The following KARS1 variants were observed in gnomAD, a reference collection of about 807,000 sequenced individuals.
KARS1 encodes lysyl-tRNA synthetase 1, also known as lysine--tRNA ligase.
KARS1 carries 50 observed loss-of-function variants against 63.9 expected under a neutral mutation model. The observed-to-expected ratio is 0.78, with a 90% CI of 0.62 to 0.99. The LOEUF (loss-of-function observed/expected upper bound fraction) is 0.99. Ranked by LOEUF, KARS1 falls within the 50% of genes least tolerant of loss-of-function variation. The probability of loss-of-function intolerance (pLI) is 0.00; values close to 1 mark genes in which losing one functional copy is unlikely to be tolerated. For missense variants in KARS1, 816 were observed against 754.5 expected (o/e 1.08, Z -0.95); for synonymous variants, 320 against 264.6 (o/e 1.21, Z -2.03).
At chr16:75,635,629 A>C (rs778236490) in intron 6 of KARS1, 51 bp downstream of exon 6, 71 of 1,605,062 alleles carry the variant, frequency 4.4e-5, no homozygotes, top group South Asian at 2.1e-4. Context: ...GGAGAGGAGG[A>C]GGCAAGCATT....
Position 75,638,406 on chromosome 16 carries a change from C to A in KARS1, c.388+1778G>T, listed in dbSNP as rs369053024. ...CCCGGTCCCCCCGCCCCTTGACAGG[C>A]CCCAGTGTGTGATGTTCCCCTCCCT... is the stretch of plus-strand genomic sequence containing the variant. On this transcript the variant is annotated intron_variant, in intron 3 of 13. Coordinates refer to ENST00000302445, the MANE Select transcript of KARS1 (RefSeq NM_005548.3). Among the ~76,000 whole-genome samples, 8 of 152,030 alleles carry A rather than the reference C, an allele frequency of 5.3e-5. No individual in the cohort carries two copies. In the East Asian group the frequency reaches 5.8e-4, roughly 11 times the overall value.
At chr16:75,632,105 G>T (rs1467458040) in intron 7 of KARS1, among the ~76,000 whole-genome samples, 1 of 152,076 alleles carries the variant, frequency 6.6e-6, no homozygotes, top group African/African-American at 2.4e-5. Flanking sequence ...GGTCAGGCTG[G>T]TCTCGAACTC....
chr16:75,638,167 G>T (rs1368012799), intron 3 of KARS1, among the ~76,000 whole-genome samples: 1 of 149,906 alleles, frequency 6.7e-6, no homozygotes, highest in Non-Finnish European at 1.5e-5. Flanking sequence ...CACCCCTCTA[G>T]ACAAAATAAA....
chr16:75,635,847 T>A (rs1172687616), intron 5 of KARS1, 42 bp from the exon 6 acceptor site: 2 of 1,613,996 alleles, frequency 1.2e-6, no homozygotes, highest in Non-Finnish European at 1.7e-6. Flanking sequence ...GTATGTCTGA[T>A]CCAAAGGTAT....
intron 12 of KARS1, 48 bp from the exon 13 acceptor site, chr16:75,628,760 C>T (rs1355385700): frequency 2.5e-6 from 4 of 1,605,352 alleles, no homozygotes; most frequent in Admixed American, 1.7e-5. Flanking sequence ...TAAGATATCT[C>T]AGTGTGTGAG....
In KARS1 at chr16:75,631,595, A is replaced by C; in HGVS notation, c.1079-6T>G. The C allele has an allele frequency of 6.2e-7, 1 of 1,614,082 alleles. No homozygotes were observed. Among genetic ancestry groups the C allele is most frequent in the Non-Finnish European group, 8.5e-7 (1 of 1,179,978 alleles). ...TGTAATATGCTTCACCATCCCTGGG[A>C]GAGAAACCTGTTATTTAGCGGGAAT... On this transcript the variant is annotated splice_region_variant and splice_polypyrimidine_tract_variant and intron_variant, in intron 8 of 13. Coordinates refer to ENST00000302445, the MANE Select transcript of KARS1 (RefSeq NM_005548.3).
intron 1 of KARS1, 93 bp downstream of exon 1, chr16:75,647,485 C>A (rs1217492655): frequency 2.5e-6 from 3 of 1,191,946 alleles, no homozygotes; most frequent in Non-Finnish European, 3.7e-6. Flanking sequence ...GGCAAGAAGG[C>A]CCCGGCACAG....
Position 75,635,908 on chromosome 16 carries a change from T to C in KARS1, c.669+4A>G, listed in dbSNP as rs763110390. On this transcript the variant is annotated splice_donor_region_variant and intron_variant, in intron 5 of 13. Coordinates refer to ENST00000302445, the MANE Select transcript of KARS1 (RefSeq NM_005548.3). ...GCCACAGCTAGGAGGCCAAGAACGC[T>C]TACCTTGTCTTTGAGGCCAAAGTGA... is the stretch of plus-strand genomic sequence containing the variant. 6.2e-7 allele frequency: 1 copy of C among 1,614,128 alleles called. No homozygotes were observed. Among genetic ancestry groups the C allele is most frequent in the Non-Finnish European group, 8.5e-7 (1 of 1,180,000 alleles).
chr16:75,639,485 T>C (rs138420871), intron 3 of KARS1, among the ~76,000 whole-genome samples: 2 of 150,960 alleles, frequency 1.3e-5, no homozygotes, highest in East Asian at 1.9e-4. Flanking sequence ...GGCAAGAGAA[T>C]TGCTTGAACC....
At chr16:75,632,796 A>G (rs1461198905) in intron 7 of KARS1, among the ~76,000 whole-genome samples, 1 of 152,200 alleles carries the variant, frequency 6.6e-6, no homozygotes, top group Non-Finnish European at 1.5e-5. Flanking sequence ...GGATGGTGGC[A>G]GAAATATTAA....
chr16:75,644,677 C>G (rs1009410953), intron 1 of KARS1, among the ~76,000 whole-genome samples: 1 of 152,166 alleles, frequency 6.6e-6, no homozygotes, highest in African/African-American at 2.4e-5. Flanking sequence ...AAAAAACATG[C>G]ATATCTGGGG....
intron 1 of KARS1, 35 bp from the exon 2 acceptor site, chr16:75,641,758 T>A: frequency 6.2e-7 from 1 of 1,610,862 alleles, no homozygotes; most frequent in East Asian, 2.2e-5. Context: ...ATGTGTTAGC[T>A]GCCTGAAGAG....
intron 7 of KARS1, 40 bp from the exon 8 acceptor site, chr16:75,631,895 T>G: frequency 6.3e-7 from 1 of 1,585,288 alleles, no homozygotes; most frequent in East Asian, 2.3e-5. Flanking sequence ...CAGCTAATCT[T>G]TTTTTTTTTG....
In KARS1 at chr16:75,631,784, C is replaced by G; in HGVS notation, c.987G>C (p.Leu329Phe). Residue 329 changes from leucine (L) to phenylalanine (F), a missense_variant, in exon 8 of 14, where the codon TTG (leucine) becomes TTC (phenylalanine). Transcript: ENST00000302445. ...AGGTGGTGAACTCAGGATTGTGCGT[C>G]AAATCAATCCCCTCATTCCGGAACT... ...GRQFRNEGID[L>F]THNPEFTTCE... 6.2e-7 allele frequency: 1 copy of G among 1,614,078 alleles called. No individual in the cohort carries two copies. The highest frequency in any genetic ancestry group is 8.5e-7 in the Non-Finnish European group (1 of 1,179,962).
rs970269077 is a variant in KARS1 at position 75,631,727 on chromosome 16, G to A, written c.1044C>T (p.His348=). ...CEFYMAYADY[H]DLMEITEKMV... ...TCTTCTCCGTGATTTCCATGAGATC[G>A]TGATAGTCTGCATAGGCCATGTAGA... The change falls in exon 8 of 14, where the codon CAC becomes CAT. Residue 348 remains histidine (H), a synonymous_variant. Transcript: ENST00000302445. The A allele has an allele frequency of 1.2e-6, 2 of 1,614,172 alleles. No homozygotes were observed. The highest frequency in any genetic ancestry group is 1.3e-5 in the African/African-American group (1 of 75,032).
chr16:75,639,222 G>C (rs1653500672), intron 3 of KARS1, among the ~76,000 whole-genome samples: 1 of 152,014 alleles, frequency 6.6e-6, no homozygotes, highest in Non-Finnish European at 1.5e-5. Context: ...GATGTGAAAA[G>C]ATCTCAGAGC....
At chr16:75,636,585 C>T in intron 3 of KARS1, 38 bp from the exon 4 acceptor site, 1 of 1,307,978 alleles carries the variant, frequency 7.6e-7, no homozygotes, top group Non-Finnish European at 1.1e-6. Flanking sequence ...CTGACAGAAC[C>T]AGAAGTCATT....
rs1022285964 is a variant in KARS1 at position 75,646,970 on chromosome 16, A to G, written c.62+608T>C. Among the ~76,000 whole-genome samples, 7 of 152,326 alleles carry G rather than the reference A, an allele frequency of 4.6e-5. 1 individual carries two copies. The East Asian group carries it at 9.7e-4, about 21-fold the overall frequency. ...TCCTGACTTATCTATGTTAACCTAC[A>G]TACTCCAGGGATTTGGGAGTGGTTA... On this transcript the variant is annotated intron_variant, in intron 1 of 13. Transcript: ENST00000302445.
At position 75,629,544 on chromosome 16, in the gene KARS1, A is replaced by G. The variant is rs776781414; in HGVS notation, c.1425-3T>C. 1.9e-6 allele frequency: 3 copies of G among 1,614,008 alleles called. No homozygotes were observed. Among genetic ancestry groups the G allele is most frequent in the Non-Finnish European group, 2.5e-6 (3 of 1,179,930 alleles). On this transcript the variant is annotated splice_region_variant and splice_polypyrimidine_tract_variant and intron_variant, in intron 11 of 13. Transcript: ENST00000302445. ...TCAGACCCTCTTTAGAGCGGTGCCT[A>G]GGGACAGGAGACCAAAGAGGAGGCT...
Sources: allele counts gnomAD v4.1 joint callset (sites outside exome capture counted in the v4.1 genomes callset), GRCh38; gene constraint gnomAD v4.1.1; transcripts MANE v1.5; gene names NCBI Gene and HGNC (gene_info 2026-07-23, HGNC 2026-07-21).